LRRC7: variants seen among roughly 807,000 people sequenced by gnomAD.
LRRC7 encodes the protein leucine rich repeat containing 7, also known as leucine-rich repeat-containing protein 7.
In LRRC7, 23 loss-of-function variants were observed where a neutral mutation model predicts 175.7. The observed-to-expected ratio is 0.13, with a 90% CI of 0.09 to 0.19. The LOEUF (loss-of-function observed/expected upper bound fraction) is 0.19. LRRC7 is among the 10% of genes least tolerant of loss of function. The pLI is 1.00. For synonymous variants in LRRC7, 685 were observed against 680.9 expected (o/e 1.01, Z -0.09); for missense variants, 1,354 against 1,904.7 (o/e 0.71, Z 5.38).
chr1:69,857,026 CAA>C (rs2101506420), intron 7 of LRRC7, among the ~76,000 whole-genome samples: 1 of 152,260 alleles, frequency 6.6e-6, no homozygotes, highest in South Asian at 2.1e-4. Flanking sequence ...GTGGTTATCT[CAA>C]TAGATGCAGA....
chr1:69,750,533 A>G (rs757078182), intron 2 of LRRC7, among the ~76,000 whole-genome samples: 1 of 152,192 alleles, frequency 6.6e-6, no homozygotes, highest in Non-Finnish European at 1.5e-5. Flanking sequence ...ATTTATCACA[A>G]GACCTCTGCC....
At chr1:69,643,362 TCA>T (rs1654521654) in intron 1 of LRRC7, among the ~76,000 whole-genome samples, 1 of 152,060 alleles carries the variant, frequency 6.6e-6, no homozygotes. Context: ...AAATTAACTC[TCA>T]CAGTCAGTAA....
chr1:70,008,193 G>C (rs140955799), intron 11 of LRRC7, among the ~76,000 whole-genome samples: 10 of 152,122 alleles, frequency 6.6e-5, no homozygotes, highest in African/African-American at 2.4e-4. Context: ...ATGTAGGCTG[G>C]GGGGCTAGGC....
intron 4 of LRRC7, among the ~76,000 whole-genome samples, chr1:69,797,958 G>A (rs929371056): frequency 2.6e-4 from 40 of 151,980 alleles, no homozygotes; most frequent in African/African-American, 9.4e-4. Context: ...GTCTTGCTCT[G>A]TCACCCAGGC....
At chr1:69,823,818 C>T (rs1679584574) in intron 4 of LRRC7, among the ~76,000 whole-genome samples, 2 of 151,870 alleles carry the variant, frequency 1.3e-5, no homozygotes, top group African/African-American at 4.8e-5. Context: ...TCTTTTAATC[C>T]TCACTACAAC....
rs977254422 is a variant in LRRC7 at position 70,125,588 on chromosome 1, C to A, written c.*3701C>A. On this transcript the variant is annotated 3_prime_UTR_variant, in exon 27 of 27. Transcript: ENST00000651989. ...CGGGCGGATCACGAGGTCAGGAGAT[C>A]GAGACCATCCCAGCTAAAACGGTGA... 2.6e-5 allele frequency among the ~76,000 whole-genome samples: 4 copies of A among 151,788 alleles called. No homozygotes were observed. The East Asian group carries it at 5.8e-4, about 22-fold the overall frequency.
At chr1:69,828,039 T>G (rs778556200) in intron 5 of LRRC7, among the ~76,000 whole-genome samples, 1 of 152,192 alleles carries the variant, frequency 6.6e-6, no homozygotes, top group Non-Finnish European at 1.5e-5. Context: ...ATCATACTTT[T>G]GTGTCTGACT....
intron 1 of LRRC7, among the ~76,000 whole-genome samples, chr1:69,672,515 T>C (rs1659222768): frequency 6.6e-6 from 1 of 152,272 alleles, no homozygotes; most frequent in Non-Finnish European, 1.5e-5. Context: ...TAGACTTAGG[T>C]TAACCATGGA....
chr1:70,117,158 C>CT (rs1232105184), intron 26 of LRRC7, among the ~76,000 whole-genome samples: 1 of 152,088 alleles, frequency 6.6e-6, no homozygotes, highest in Non-Finnish European at 1.5e-5. Context: ...AAGCTGATTT[C>CT]TTTTTTTGGA....
At chr1:70,019,497 G>C (rs1657260623) in intron 15 of LRRC7, among the ~76,000 whole-genome samples, 2 of 151,974 alleles carry the variant, frequency 1.3e-5, no homozygotes, top group African/African-American at 4.8e-5. Flanking sequence ...TATAGTTATG[G>C]AGTAACAATA....
chr1:69,595,462 T>G (rs1319471950), intron 1 of LRRC7, among the ~76,000 whole-genome samples: 2 of 152,194 alleles, frequency 1.3e-5, no homozygotes, highest in Non-Finnish European at 2.9e-5. Flanking sequence ...AGCAACTTGC[T>G]GAAGATCTGC....
At chr1:69,931,727 GA>G (rs777801502) in intron 8 of LRRC7, among the ~76,000 whole-genome samples, 157 bp downstream of exon 8, 3 of 149,852 alleles carry the variant, frequency 2.0e-5, no homozygotes, top group East Asian at 1.9e-4. Context: ...TCACTTTTTG[GA>G]AAAAAAAATG....
intron 7 of LRRC7, among the ~76,000 whole-genome samples, chr1:69,895,576 G>A (rs527936357): frequency 2.6e-5 from 4 of 152,096 alleles, no homozygotes; most frequent in African/African-American, 2.4e-5. Flanking sequence ...CAGCCCCAAC[G>A]GTGTCCCCAA....
intron 1 of LRRC7, among the ~76,000 whole-genome samples, chr1:69,597,591 A>G (rs1242181235): frequency 1.3e-5 from 2 of 152,156 alleles, no homozygotes; most frequent in Non-Finnish European, 2.9e-5. Flanking sequence ...TCCTGGCATC[A>G]AGCATAATGT....
At chr1:69,576,442 C>A (rs879824603) in intron 1 of LRRC7, among the ~76,000 whole-genome samples, 6 of 152,026 alleles carry the variant, frequency 3.9e-5, no homozygotes, top group Non-Finnish European at 8.8e-5. Context: ...TGTTTTATAA[C>A]CCACCAGCAA....
intron 17 of LRRC7, among the ~76,000 whole-genome samples, chr1:70,024,625 A>G (rs989872250): frequency 3.3e-5 from 5 of 152,032 alleles, no homozygotes; most frequent in Non-Finnish European, 5.9e-5. Context: ...TTTCCTACCT[A>G]TGTGTATAAT....
chr1:69,634,485 A>G (rs1336824008), intron 1 of LRRC7, among the ~76,000 whole-genome samples: 2 of 152,126 alleles, frequency 1.3e-5, no homozygotes, highest in East Asian at 3.9e-4. Flanking sequence ...GTTTTCATCT[A>G]TGCTTTGAGT....
At chr1:69,895,129 G>C (rs1347386651) in intron 7 of LRRC7, among the ~76,000 whole-genome samples, 1 of 152,174 alleles carries the variant, frequency 6.6e-6, no homozygotes, top group Non-Finnish European at 1.5e-5. Context: ...CTACTCGGGA[G>C]GCTGAGGCAG....
chr1:69,636,981 C>T (rs1260020301), intron 1 of LRRC7, among the ~76,000 whole-genome samples: 1 of 151,824 alleles, frequency 6.6e-6, no homozygotes, highest in Non-Finnish European at 1.5e-5. Context: ...TTTCTTCTCT[C>T]ATATTGCCCT....
Sources: gnomAD v4.1 joint callset for allele counts (sites outside exome capture counted in the v4.1 genomes callset) on GRCh38, gnomAD v4.1.1 for gene constraint, MANE v1.5 for transcripts, NCBI Gene and HGNC (gene_info 2026-07-23, HGNC 2026-07-21) for gene names.